The following JAZF1 variants were observed in gnomAD, a reference collection of about 807,000 sequenced individuals.
JAZF1 encodes juxtaposed with another zinc finger protein 1.
A neutral mutation model predicts 26.4 loss-of-function variants in JAZF1; 8 were observed. That is an observed-to-expected ratio of 0.30 (90% CI 0.18 to 0.55). JAZF1 has a LOEUF of 0.55. Ranked by LOEUF, JAZF1 falls within the 20% of genes least tolerant of loss-of-function variation. The pLI, the probability that JAZF1 is intolerant of heterozygous loss-of-function variation, is 0.94. For synonymous variants in JAZF1, 126 were observed against 122.3 expected (o/e 1.03, Z -0.20); for missense variants, 199 against 322.0 (o/e 0.62, Z 2.92).
chr7:28,025,629 G>A (rs1370488345), intron 1 of JAZF1, among the ~76,000 whole-genome samples: 5 of 152,190 alleles, frequency 3.3e-5, no homozygotes. Flanking sequence ...ACAGAAGATT[G>A]GTCAAGAAAC....
rs141091291 is a variant in JAZF1 at position 28,106,720 on chromosome 7, C to T, written c.115+73743G>A. Among the ~76,000 whole-genome samples, 1,167 of 152,304 alleles carry T rather than the reference C, an allele frequency of 7.7e-3. 6 individuals carry two copies. Among genetic ancestry groups the T allele is most frequent in the Non-Finnish European group, 0.012 (818 of 68,032 alleles). ...ACAAACCAGTGAGGCAGATCACTTA[C>T]GGTTTTCATACCAAGCATACCTCTG... On this transcript the variant is annotated intron_variant, in intron 1 of 4. Coordinates refer to ENST00000283928, the MANE Select transcript of JAZF1 (RefSeq NM_175061.4).
At chr7:27,915,175 T>A (rs1212748670) in intron 2 of JAZF1, among the ~76,000 whole-genome samples, 1 of 152,236 alleles carries the variant, frequency 6.6e-6, no homozygotes, top group Non-Finnish European at 1.5e-5. Flanking sequence ...TGTCTGGATT[T>A]TATTGAGTAA....
At chr7:28,132,560 A>G (rs1782812558) in intron 1 of JAZF1, among the ~76,000 whole-genome samples, 1 of 152,196 alleles carries the variant, frequency 6.6e-6, no homozygotes, top group African/African-American at 2.4e-5. Flanking sequence ...AATTGGAGCT[A>G]CACATAAGGA....
intron 3 of JAZF1, among the ~76,000 whole-genome samples, chr7:27,883,218 TA>T (rs1783801487): frequency 6.6e-6 from 1 of 152,198 alleles, no homozygotes; most frequent in African/African-American, 2.4e-5. Flanking sequence ...TCTTTTTTGA[TA>T]TTTTTTTGGC....
chr7:27,990,737 C>A (rs1303434162), intron 2 of JAZF1, among the ~76,000 whole-genome samples: 23 of 152,070 alleles, frequency 1.5e-4, no homozygotes, highest in Non-Finnish European at 2.9e-5. Context: ...AATTTCAAAA[C>A]CCTTGCTAAT....
intron 1 of JAZF1, among the ~76,000 whole-genome samples, chr7:28,109,690 C>G (rs1459281718): frequency 1.3e-5 from 2 of 152,200 alleles, no homozygotes; most frequent in African/African-American, 4.8e-5. Context: ...TAGTGAATGG[C>G]TGAACTGGGA....
At chr7:27,988,275 G>C (rs1431589919) in intron 2 of JAZF1, among the ~76,000 whole-genome samples, 1 of 151,802 alleles carries the variant, frequency 6.6e-6, no homozygotes, top group Non-Finnish European at 1.5e-5. Flanking sequence ...TGGATATTTA[G>C]GTTAGGTCTA....
At chr7:28,024,186 T>C (rs1209678744) in intron 1 of JAZF1, among the ~76,000 whole-genome samples, 1 of 152,024 alleles carries the variant, frequency 6.6e-6, no homozygotes, top group Admixed American at 6.5e-5. Context: ...TCCCAGCTAC[T>C]CAGGAGGTTG....
At chr7:27,843,007 A>C (rs928039114) in intron 3 of JAZF1, 9 of 152,324 alleles carry the variant, frequency 5.9e-5, no homozygotes, top group Admixed American at 4.6e-4. Flanking sequence ...GAAGCAGCCT[A>C]CACTGTCTGC....
intron 2 of JAZF1, among the ~76,000 whole-genome samples, chr7:27,907,893 C>T (rs1259507944): frequency 6.6e-6 from 1 of 152,184 alleles, no homozygotes; most frequent in Non-Finnish European, 1.5e-5. Context: ...CAGTTTTCTT[C>T]AGCACTGTGC....
intron 3 of JAZF1, among the ~76,000 whole-genome samples, chr7:27,858,171 C>G (rs1783306334): frequency 6.6e-6 from 1 of 152,152 alleles, no homozygotes; most frequent in East Asian, 1.9e-4. Context: ...ATAAAACTTA[C>G]AAGGGATGTG....
intron 1 of JAZF1, among the ~76,000 whole-genome samples, chr7:28,154,582 C>T (rs1294110310): frequency 6.6e-6 from 1 of 152,130 alleles, no homozygotes; most frequent in Non-Finnish European, 1.5e-5. Flanking sequence ...TTGTGCCATA[C>T]AGGTGAAAAA....
At chr7:27,930,813 C>T (rs1218637151) in intron 2 of JAZF1, among the ~76,000 whole-genome samples, 1 of 146,356 alleles carries the variant, frequency 6.8e-6, no homozygotes, top group Non-Finnish European at 1.5e-5. Flanking sequence ...TAATTTTATC[C>T]TATAGACAGC....
At chr7:28,024,827 A>ATATT (rs375340489) in intron 1 of JAZF1, among the ~76,000 whole-genome samples, 5 of 152,224 alleles carry the variant, frequency 3.3e-5, no homozygotes, top group African/African-American at 1.2e-4. Context: ...CAAGGAGTTT[A>ATATT]TAATCTACCA....
At chr7:27,994,901 G>C (rs1040596437) in intron 1 of JAZF1, among the ~76,000 whole-genome samples, 1 of 152,146 alleles carries the variant, frequency 6.6e-6, no homozygotes, top group Non-Finnish European at 1.5e-5. Flanking sequence ...AAATGTAACT[G>C]TCTGATGCTA....
intron 1 of JAZF1, among the ~76,000 whole-genome samples, chr7:28,040,069 TGA>T (rs1252280758): frequency 3.3e-5 from 5 of 152,212 alleles, no homozygotes; most frequent in African/African-American, 1.2e-4. Flanking sequence ...TAAAAAATGC[TGA>T]GAGTCCAGAT....
intron 2 of JAZF1, among the ~76,000 whole-genome samples, chr7:27,921,051 G>A (rs1427725521): frequency 6.6e-6 from 1 of 152,202 alleles, no homozygotes; most frequent in Admixed American, 6.5e-5. Flanking sequence ...TAAATTACTT[G>A]AAATACTGAA....
At chr7:28,118,544 C>G (rs1784784939) in intron 1 of JAZF1, among the ~76,000 whole-genome samples, 1 of 151,952 alleles carries the variant, frequency 6.6e-6, no homozygotes, top group Admixed American at 6.6e-5. Context: ...CTAACGTTCC[C>G]AATTATTTCT....
At chr7:27,911,409 T>C (rs1231562595) in intron 2 of JAZF1, among the ~76,000 whole-genome samples, 1 of 152,142 alleles carries the variant, frequency 6.6e-6, no homozygotes, top group African/African-American at 2.4e-5. Context: ...CATCAGGTAG[T>C]TTGCCCAAGG....
Sources: gnomAD v4.1 joint callset for allele counts (sites outside exome capture counted in the v4.1 genomes callset) on GRCh38, gnomAD v4.1.1 for gene constraint, MANE v1.5 for transcripts, NCBI Gene and HGNC (gene_info 2026-07-23, HGNC 2026-07-21) for gene names.